PHKB: variants seen among roughly 807,000 people sequenced by gnomAD.
PHKB encodes the protein phosphorylase b kinase regulatory subunit beta.
In PHKB, 122 loss-of-function variants were observed where a neutral mutation model predicts 152.1. The observed-to-expected ratio is 0.80, with a 90% CI of 0.69 to 0.93. The LOEUF is 0.93. Among genes scored for constraint, PHKB ranks in the 40% least tolerant of loss-of-function variants. The pLI is 0.00. For synonymous variants in PHKB, 436 were observed against 464.9 expected (o/e 0.94, Z 0.80); for missense variants, 1,304 against 1,328.4 (o/e 0.98, Z 0.29).
At chr16:47,649,715 G>A (rs1056456419) in intron 18 of PHKB, among the ~76,000 whole-genome samples, 1 of 152,006 alleles carries the variant, frequency 6.6e-6, no homozygotes, top group Non-Finnish European at 1.5e-5. Flanking sequence ...TGCCAGCTGT[G>A]TGTTCTTGGG....
At chr16:47,679,679 T>C (rs1412089050) in intron 26 of PHKB, among the ~76,000 whole-genome samples, 1 of 152,222 alleles carries the variant, frequency 6.6e-6, no homozygotes, top group African/African-American at 2.4e-5. Flanking sequence ...GCTAAGACAA[T>C]GGGGTTTTCT....
chr16:47,507,620 A>T (rs943210128), intron 4 of PHKB, among the ~76,000 whole-genome samples: 1 of 152,012 alleles, frequency 6.6e-6, no homozygotes, highest in Non-Finnish European at 1.5e-5. Context: ...AGCCTCCCAA[A>T]GTGCTAGGAT....
intron 1 of PHKB, among the ~76,000 whole-genome samples, chr16:47,467,993 C>T (rs1343019632): frequency 1.3e-5 from 2 of 152,286 alleles, no homozygotes; most frequent in South Asian, 2.1e-4. Context: ...TTATTCTTAT[C>T]CCAATCATGT....
chr16:47,512,816 C>G (rs1970532559), intron 5 of PHKB, among the ~76,000 whole-genome samples: 1 of 152,154 alleles, frequency 6.6e-6, no homozygotes. Flanking sequence ...GAGTACTTAA[C>G]TATTCATCTA....
At chr16:47,640,964 T>C in intron 14 of PHKB, 71 bp from the exon 15 acceptor site, 2 of 1,359,248 alleles carry the variant, frequency 1.5e-6, no homozygotes, top group Non-Finnish European at 2.1e-6. Context: ...ATATTGTCCT[T>C]GTTTCTCATT....
At chr16:47,685,745 C>CTTT (rs543342166) in intron 26 of PHKB, among the ~76,000 whole-genome samples, 1 of 139,600 alleles carries the variant, frequency 7.2e-6, no homozygotes, top group East Asian at 2.1e-4. Flanking sequence ...TTTTCTTTTT[C>CTTT]TTTTTTTTTT....
At chr16:47,647,688 G>A (rs975389180) in intron 16 of PHKB, among the ~76,000 whole-genome samples, 1 of 151,584 alleles carries the variant, frequency 6.6e-6, no homozygotes, top group African/African-American at 2.4e-5. Flanking sequence ...TGGTAGAGAC[G>A]GGGTTTCACC....
Position 47,547,467 on chromosome 16 carries a change from A to G in PHKB, c.629A>G (p.Glu210Gly), listed in dbSNP as rs1200464308. ...ATTCAAAACCTTGTATTTTGTGTGG[A>G]AAGAGTTTACCGTGTGCCTGACTTT... The part of the protein sequence containing the change: ...SFIQNLVFCV[E>G]RVYRVPDFGV... Residue 210 changes from glutamate to glycine, a missense_variant, in exon 7 of 31, where the codon GAA becomes GGA. Glu to Gly is a moderately conservative substitution (Grantham distance 98). Coordinates refer to ENST00000323584, the MANE Select transcript of PHKB (RefSeq NM_000293.3). The G allele has an allele frequency of 1.2e-6, 2 of 1,612,032 alleles. No homozygotes were observed. The highest frequency in any genetic ancestry group is 1.7e-5 in the Admixed American group (1 of 59,976).
chr16:47,547,648 T>C (rs996987862), intron 7 of PHKB, 100 bp downstream of exon 7: 10 of 752,016 alleles, frequency 1.3e-5, no homozygotes, highest in Non-Finnish European at 2.0e-5. Flanking sequence ...GATTCATATG[T>C]TAATTTGTAG....
chr16:47,464,112 T>C lies in PHKB; in HGVS notation c.76+2686T>C, dbSNP rs1200597436. The stretch of plus-strand genomic sequence containing the variant: ...ATTTCTTCTTTGGTGGGCCCAGGCC[T>C]GAGTACCCGGCTGGTGTTTTGTTTA... On this transcript the variant is annotated intron_variant, in intron 1 of 30. Transcript: ENST00000323584. 8.0e-6 allele frequency: 6 copies of C among 748,148 alleles called. No individual in the cohort carries two copies. The African/African-American group carries it at 8.6e-5, about 11-fold the overall frequency. The allele number at this position is 748,148 out of a possible 1,614,324, so 46.3% of individuals were successfully genotyped here.
chr16:47,623,285 A>G lies in PHKB; in HGVS notation c.1458+12365A>G, dbSNP rs1972648878. Among the ~76,000 whole-genome samples, 3 of 152,084 alleles carry G rather than the reference A, an allele frequency of 2.0e-5. No homozygotes were observed. The South Asian group carries it at 6.2e-4, about 32-fold the overall frequency. On this transcript the variant is annotated intron_variant, in intron 14 of 30. Coordinates refer to ENST00000323584, the MANE Select transcript of PHKB (RefSeq NM_000293.3). Reference sequence around the variant, plus strand: ...ATATAAGTAATATTTCTTTCTCATTAAAGAGATGAGAAAAAATCCTAAAAA... The same window carrying G: ...ATATAAGTAATATTTCTTTCTCATTGAAGAGATGAGAAAAAATCCTAAAAA...
At chr16:47,635,207 T>A (rs983079446) in intron 14 of PHKB, among the ~76,000 whole-genome samples, 1 of 152,142 alleles carries the variant, frequency 6.6e-6, no homozygotes, top group Non-Finnish European at 1.5e-5. Flanking sequence ...GATAAGTAGA[T>A]TGGATTGCGC....
intron 6 of PHKB, among the ~76,000 whole-genome samples, chr16:47,517,837 A>T (rs1567289030): frequency 6.6e-6 from 1 of 152,154 alleles, no homozygotes; most frequent in Non-Finnish European, 1.5e-5. Flanking sequence ...GCAGCTAATT[A>T]TCAATAGCCT....
At chr16:47,688,643 AT>A (rs1419721255) in intron 26 of PHKB, among the ~76,000 whole-genome samples, 1 of 142,420 alleles carries the variant, frequency 7.0e-6, no homozygotes, top group African/African-American at 2.6e-5. Context: ...ATCTCAGCCT[AT>A]TTCTTGAAAT....
chr16:47,474,668 A>G lies in PHKB; in HGVS notation c.76+13242A>G, dbSNP rs564067166. Among the ~76,000 whole-genome samples, 4 of 152,112 alleles carry G rather than the reference A, an allele frequency of 2.6e-5. No individual in the cohort carries two copies. The South Asian group carries it at 8.3e-4, about 32-fold the overall frequency. ...ATATCTGATGATTGATAAGTTATAA[A>G]TCAACAATATGTCAAAAAGAATTAG... On this transcript the variant is annotated intron_variant, in intron 1 of 30. Transcript: ENST00000323584.
At chr16:47,664,545 A>G (rs930143718) in intron 24 of PHKB, among the ~76,000 whole-genome samples, 2 of 152,166 alleles carry the variant, frequency 1.3e-5, no homozygotes, top group Admixed American at 1.3e-4. Flanking sequence ...TTTCAATTCT[A>G]TTTTTATAAT....
At chr16:47,616,067 A>G (rs185623939) in intron 14 of PHKB, among the ~76,000 whole-genome samples, 230 of 151,830 alleles carry the variant, frequency 1.5e-3, no homozygotes, top group African/African-American at 5.1e-3. Context: ...ACAGTTCTTT[A>G]TGTATTCTGA....
intron 26 of PHKB, among the ~76,000 whole-genome samples, chr16:47,672,323 C>T (rs1015280184): frequency 1.3e-5 from 2 of 152,064 alleles, no homozygotes; most frequent in Non-Finnish European, 2.9e-5. Context: ...TCTGTTTGCC[C>T]TGATATTTTC....
At chr16:47,625,773 T>G (rs1460579805) in intron 14 of PHKB, among the ~76,000 whole-genome samples, 1 of 152,212 alleles carries the variant, frequency 6.6e-6, no homozygotes, top group Non-Finnish European at 1.5e-5. Flanking sequence ...GAGGACTTTA[T>G]TGTCTTAATG....
Sources: gnomAD v4.1 joint callset for allele counts (sites outside exome capture counted in the v4.1 genomes callset) on GRCh38, gnomAD v4.1.1 for gene constraint, MANE v1.5 for transcripts, NCBI Gene and HGNC (gene_info 2026-07-23, HGNC 2026-07-21) for gene names.